Variants in PLEKHG7 observed in about 807,000 individuals in gnomAD.
The protein encoded by PLEKHG7 is pleckstrin homology and RhoGEF domain containing G7.
Under a neutral mutation model 85.2 loss-of-function variants are expected in PLEKHG7, and 77 were observed. The observed-to-expected ratio is 0.90, with a 90% CI of 0.75 to 1.09. The LOEUF (loss-of-function observed/expected upper bound fraction) is 1.09, where lower values mean the gene tolerates loss of function less well. Among genes scored for constraint, PLEKHG7 ranks in the 50% least tolerant of loss-of-function variants. The probability of loss-of-function intolerance (pLI) is 0.00; values close to 1 mark genes in which losing one functional copy is unlikely to be tolerated. For synonymous variants in PLEKHG7, 301 were observed against 302.4 expected (o/e 1.00, Z 0.05); for missense variants, 777 against 804.3 (o/e 0.97, Z 0.41).
intron 15 of PLEKHG7, 150 bp downstream of exon 15, chr12:92,764,344 A>G: frequency 1.3e-6 from 1 of 789,918 alleles, no homozygotes; most frequent in Non-Finnish European, 1.9e-6. Flanking sequence ...CACTCTATGA[A>G]TTAGTTATGG....
At chr12:92,708,395 A>G (rs911489956) in intron 3 of PLEKHG7, 1 of 152,322 alleles carries the variant, frequency 6.6e-6, no homozygotes, top group Non-Finnish European at 1.5e-5. Flanking sequence ...CAGTAAGGAT[A>G]ACATCCATGT....
Position 92,770,391 on chromosome 12 carries a change from G to GT in PLEKHG7, c.*196_*197insT, listed in dbSNP as rs1873374193. On this transcript the variant is annotated 3_prime_UTR_variant, in exon 17 of 17. Coordinates refer to ENST00000344636, the MANE Select transcript of PLEKHG7 (RefSeq NM_001377329.1). The stretch of plus-strand genomic sequence containing the variant: ...GACTGCAACAAATTTGAACTCTGAG[G>GT]AATTTCTTGACAAATATATACTGAC... 6.0e-6 allele frequency: 3 copies of GT among 502,382 alleles called. No individual in the cohort carries two copies. Among genetic ancestry groups the GT allele is most frequent in the African/African-American group, 2.0e-5 (1 of 49,044 alleles). 31.1% of individuals were successfully genotyped at this position (502,382 alleles called of 1,614,324 possible). A position where few individuals can be genotyped will look rare whatever the true frequency, so the allele number is the denominator to read the frequency against.
At chr12:92,728,710 T>G (rs1241699004) in intron 3 of PLEKHG7, among the ~76,000 whole-genome samples, 2 of 152,092 alleles carry the variant, frequency 1.3e-5, no homozygotes, top group Admixed American at 6.6e-5. Flanking sequence ...AATAAACATG[T>G]GTACAGGTGT....
chr12:92,710,621 A>T (rs932252818), intron 3 of PLEKHG7, among the ~76,000 whole-genome samples: 4 of 152,196 alleles, frequency 2.6e-5, no homozygotes, highest in African/African-American at 9.7e-5. Flanking sequence ...TCAACCTGCC[A>T]CCAGGTAGCT....
chr12:92,711,262 T>C (rs7969355), intron 3 of PLEKHG7, among the ~76,000 whole-genome samples: 8,758 of 152,242 alleles, frequency 0.058, 835 homozygotes, highest in African/African-American at 0.2. Context: ...TTGTGCAGAA[T>C]AATCTGTGAA....
In PLEKHG7 at chr12:92,754,248, G is replaced by C. The variant is rs1217724944; in HGVS notation, c.1410G>C (p.Lys470Asn). 1.9e-6 allele frequency: 3 copies of C among 1,613,880 alleles called. No individual in the cohort carries two copies. Among genetic ancestry groups the C allele is most frequent in the Non-Finnish European group, 1.7e-6 (2 of 1,179,900 alleles). The part of the protein sequence containing the change: ...EKIMIYSIKE[K>N]VEKSIRDLEG... ...TCATGATCTACTCCATCAAGGAAAA[G>C]GTGGAAAAGTCCATCCGTAAGTCCC... The change falls in exon 11 of 17, where the codon AAG becomes AAC. Residue 470 changes from lysine to asparagine, a missense_variant. Lys to Asn is a moderately conservative substitution (Grantham distance 94). This residue lies in a region of PLEKHG7 where 520 missense variants were observed against 544.0 expected (regional missense o/e 0.96). Transcript: ENST00000344636.
At chr12:92,722,185 A>C (rs1871668435) in intron 3 of PLEKHG7, among the ~76,000 whole-genome samples, 1 of 152,048 alleles carries the variant, frequency 6.6e-6, no homozygotes, top group South Asian at 2.1e-4. Flanking sequence ...TATTTGAGTT[A>C]ATTTCATTCA....
intron 8 of PLEKHG7, 126 bp from the exon 9 acceptor site, chr12:92,741,364 TG>T (rs1872349536): frequency 2.1e-6 from 1 of 486,854 alleles, no homozygotes; most frequent in East Asian, 3.2e-5. Context: ...AATAAATCTT[TG>T]AATTTTTCTA....
chr12:92,729,655 G>C (rs1871927451), intron 4 of PLEKHG7, among the ~76,000 whole-genome samples: 1 of 152,142 alleles, frequency 6.6e-6, no homozygotes, highest in Non-Finnish European at 1.5e-5. Context: ...AGGGTCTTCA[G>C]AGTGTTTTCT....
chr12:92,711,140 C>T (rs114037405), intron 3 of PLEKHG7, among the ~76,000 whole-genome samples: 1 of 152,236 alleles, frequency 6.6e-6, no homozygotes, highest in Non-Finnish European at 1.5e-5. Context: ...ACCAGGTGTA[C>T]TCCTCGAAGT....
chr12:92,722,402 C>T (rs1444562560), intron 3 of PLEKHG7, among the ~76,000 whole-genome samples: 2 of 152,174 alleles, frequency 1.3e-5, no homozygotes, highest in Non-Finnish European at 1.5e-5. Flanking sequence ...TTTTTATTAA[C>T]TCATGCTGTC....
intron 13 of PLEKHG7, among the ~76,000 whole-genome samples, chr12:92,757,946 T>A (rs1565796610): frequency 6.6e-6 from 1 of 152,228 alleles, no homozygotes; most frequent in African/African-American, 2.4e-5. Context: ...AACCGGAAGT[T>A]CAGTGGTGAA....
chr12:92,723,885 A>G (rs1871718260), intron 3 of PLEKHG7, among the ~76,000 whole-genome samples: 1 of 152,184 alleles, frequency 6.6e-6, no homozygotes, highest in African/African-American at 2.4e-5. Flanking sequence ...ACCAGTTTAT[A>G]GAATCTTGGG....
chr12:92,708,749 G>A (rs1308064697), intron 3 of PLEKHG7, among the ~76,000 whole-genome samples: 1 of 152,162 alleles, frequency 6.6e-6, no homozygotes, highest in African/African-American at 2.4e-5. Flanking sequence ...AAACATGCAA[G>A]GCCTCTTGGA....
At chr12:92,762,154 A>G (rs1400861640) in intron 14 of PLEKHG7, among the ~76,000 whole-genome samples, 2 of 152,238 alleles carry the variant, frequency 1.3e-5, no homozygotes, top group Non-Finnish European at 2.9e-5. Context: ...GACCTGCCTA[A>G]GCAAAGGAAC....
At chr12:92,761,077 A>G (rs1872976277) in intron 13 of PLEKHG7, among the ~76,000 whole-genome samples, 1 of 152,194 alleles carries the variant, frequency 6.6e-6, no homozygotes, top group Non-Finnish European at 1.5e-5. Flanking sequence ...ATGCTACTGG[A>G]TCAGTGCACC....
chr12:92,736,385 G>A (rs1872150602), intron 5 of PLEKHG7, 97 bp from the exon 6 acceptor site: 1 of 691,512 alleles, frequency 1.4e-6, no homozygotes, highest in Non-Finnish European at 2.0e-6. Flanking sequence ...CTCTTATCAT[G>A]AATGTTAGGG....
Position 92,756,171 on chromosome 12 carries a change from A to G in PLEKHG7, c.1543-127A>G, listed in dbSNP as rs1038754628. 47 of 751,052 alleles carry G rather than the reference A, an allele frequency of 6.3e-5. No homozygotes were observed. The African/African-American group carries it at 7.6e-4, about 12-fold the overall frequency. The allele number at this position is 751,052 out of a possible 1,614,324, so 46.5% of individuals were successfully genotyped here. On this transcript the variant is annotated intron_variant, in intron 12 of 16. Coordinates refer to ENST00000344636, the MANE Select transcript of PLEKHG7 (RefSeq NM_001377329.1). ...GGGTTTTTCATTGTTTCCCATTCCCATGTCCATCTGCTGGCATTTCCAAAT... is the reference window on the plus strand; with the variant it reads ...GGGTTTTTCATTGTTTCCCATTCCCGTGTCCATCTGCTGGCATTTCCAAAT...
chr12:92,765,692 G>A (rs1873176342), intron 15 of PLEKHG7, among the ~76,000 whole-genome samples: 1 of 151,988 alleles, frequency 6.6e-6, no homozygotes, highest in African/African-American at 2.4e-5. Flanking sequence ...TACTCAGGAG[G>A]CTAAAGCTGG....
Sources: allele counts gnomAD v4.1 joint callset (sites outside exome capture counted in the v4.1 genomes callset), GRCh38; gene constraint gnomAD v4.1.1; regional missense constraint gnomAD v4.1.1; transcripts MANE v1.5; gene names NCBI Gene and HGNC (gene_info 2026-07-23, HGNC 2026-07-21).